The following POSTN variants were observed in gnomAD, a reference collection of about 807,000 sequenced individuals.
POSTN encodes the protein osteoblast specific factor 2 (fasciclin I-like).
A neutral mutation model predicts 104.5 loss-of-function variants in POSTN; 71 were observed. That is an observed-to-expected ratio of 0.68 (90% CI 0.56 to 0.83). The LOEUF (loss-of-function observed/expected upper bound fraction) is 0.83, where lower values mean the gene tolerates loss of function less well. Among genes scored for constraint, POSTN ranks in the 40% least tolerant of loss-of-function variants. The pLI is 0.00. For synonymous variants in POSTN, 355 were observed against 340.7 expected (o/e 1.04, Z -0.46); for missense variants, 949 against 1,006.8 (o/e 0.94, Z 0.78).
Position 37,569,786 on chromosome 13 carries a change from C to T in POSTN, c.2305G>A (p.Gly769Ser), listed in dbSNP as rs547900157. The T allele has an allele frequency of 1.2e-6, 2 of 1,605,354 alleles. No homozygotes were observed. The highest frequency in any genetic ancestry group is 1.7e-6 in the Non-Finnish European group (2 of 1,173,088). Reference protein sequence around the residue: ...EIKYTRISTGGGETEETLKKL... With the variant: ...EIKYTRISTGSGETEETLKKL... ...TTCAGAGTTTCTTCTGTTTCTCCAC[C>T]TCCAGTAGAAATCCTAGTGTATTTT... Residue 769 changes from glycine (G) to serine (S), a missense_variant, in exon 20 of 23, where the codon GGT becomes AGT. Transcript: ENST00000379747.
At chr13:37,587,021 A>G (rs895413365) in intron 5 of POSTN, 93 bp from the exon 6 acceptor site, 23 of 1,077,928 alleles carry the variant, frequency 2.1e-5, no homozygotes, top group Non-Finnish European at 3.0e-5. Context: ...CATTTATACT[A>G]GTAAATGTAA....
chr13:37,570,035 A>G (rs896547800), intron 19 of POSTN, among the ~76,000 whole-genome samples: 13 of 152,094 alleles, frequency 8.5e-5, no homozygotes, highest in Non-Finnish European at 1.6e-4. Flanking sequence ...AATGGGTGGC[A>G]CAAGCCACAC....
At chr13:37,593,466 T>A (rs911020403) in intron 2 of POSTN, among the ~76,000 whole-genome samples, 2 of 151,426 alleles carry the variant, frequency 1.3e-5, no homozygotes, top group African/African-American at 4.8e-5. Flanking sequence ...TACCAAACAA[T>A]TAGAAATAGG....
At chr13:37,565,304 G>A (rs553476352) in intron 21 of POSTN, 31 of 151,900 alleles carry the variant, frequency 2.0e-4, no homozygotes, top group African/African-American at 7.2e-4. Flanking sequence ...AAGACTACCT[G>A]GTCGGCCTAA....
chr13:37,566,878 TA>T (rs1220800096), intron 21 of POSTN, among the ~76,000 whole-genome samples: 1 of 152,134 alleles, frequency 6.6e-6, no homozygotes, highest in Non-Finnish European at 1.5e-5. Flanking sequence ...AAGTACCAGT[TA>T]GCCATGTTAA....
intron 21 of POSTN, 166 bp downstream of exon 21, chr13:37,569,134 A>G (rs1950191170): frequency 2.0e-6 from 1 of 494,818 alleles, no homozygotes; most frequent in African/African-American, 2.0e-5. Context: ...ATTTCTTCAT[A>G]ACTATTAACT....
At chr13:37,597,905 T>A (rs1345157312) in intron 1 of POSTN, among the ~76,000 whole-genome samples, 1 of 152,172 alleles carries the variant, frequency 6.6e-6, no homozygotes, top group Non-Finnish European at 1.5e-5. Context: ...GGGACAGAAG[T>A]CTTTTTTCAC....
intron 1 of POSTN, among the ~76,000 whole-genome samples, chr13:37,598,224 T>C (rs1019485590): frequency 1.3e-5 from 2 of 152,168 alleles, no homozygotes; most frequent in Non-Finnish European, 2.9e-5. Context: ...GATATTTCAA[T>C]GCTGTTTGCA....
At position 37,591,068 on chromosome 13, in the gene POSTN, T is replaced by G. The variant is rs576639692; in HGVS notation, c.284-539A>C. 1.3e-3 allele frequency among the ~76,000 whole-genome samples: 201 copies of G among 152,266 alleles called. 2 individuals carry two copies. Among genetic ancestry groups the G allele is most frequent in the Non-Finnish European group, 2.4e-3 (164 of 68,008 alleles). On this transcript the variant is annotated intron_variant, in intron 3 of 22. Transcript: ENST00000379747. ...TTTTCTGACCCTATTTATTTGAAAA[T>G]TAGTATAATTTGATTAATAGCATAG...
chr13:37,594,230 A>G (rs1951020232), intron 2 of POSTN, among the ~76,000 whole-genome samples: 1 of 152,150 alleles, frequency 6.6e-6, no homozygotes, highest in African/African-American at 2.4e-5. Context: ...AAATGTGCTT[A>G]GTCCATAGAT....
intron 15 of POSTN, among the ~76,000 whole-genome samples, chr13:37,578,236 G>A (rs1950472007): frequency 1.3e-5 from 2 of 151,850 alleles, no homozygotes; most frequent in Admixed American, 1.3e-4. Flanking sequence ...TTTCTAAATT[G>A]GACTGTAAAC....
intron 16 of POSTN, among the ~76,000 whole-genome samples, chr13:37,576,623 T>C (rs1383797619): frequency 1.3e-5 from 2 of 152,178 alleles, no homozygotes; most frequent in Non-Finnish European, 2.9e-5. Flanking sequence ...CATATGTATA[T>C]ATTTATACCT....
Position 37,590,222 on chromosome 13 carries a change from C to T in POSTN, c.441+150G>A, listed in dbSNP as rs1036074208. On this transcript the variant is annotated intron_variant, in intron 4 of 22. Coordinates refer to ENST00000379747, the MANE Select transcript of POSTN (RefSeq NM_006475.3). ...TTTACGGATGTATTAAGATATTTTACTTCCCTTAATAACTCATCCCTTTAG... is the reference window on the plus strand; with the variant it reads ...TTTACGGATGTATTAAGATATTTTATTTCCCTTAATAACTCATCCCTTTAG... 4.8e-5 allele frequency: 25 copies of T among 523,990 alleles called. No individual in the cohort carries two copies. In the Admixed American group the frequency reaches 7.5e-4, roughly 16 times the overall value. 32.5% of individuals were successfully genotyped at this position (523,990 alleles called of 1,614,324 possible).
intron 22 of POSTN, among the ~76,000 whole-genome samples, chr13:37,564,215 T>C (rs1252603529): frequency 6.7e-5 from 9 of 133,430 alleles, no homozygotes; most frequent in African/African-American, 1.5e-4. Context: ...TATATATATA[T>C]ATATATATAT....
chr13:37,583,947 A>C, intron 9 of POSTN, 22 bp downstream of exon 9: 1 of 1,602,156 alleles, frequency 6.2e-7, no homozygotes, highest in Non-Finnish European at 8.5e-7. Context: ...AGAGAGCAGG[A>C]ACAACAGTGT....
At chr13:37,571,138 G>C in intron 18 of POSTN, 1 of 412,060 alleles carries the variant, frequency 2.4e-6, no homozygotes, top group Non-Finnish European at 4.3e-6. Flanking sequence ...ATGACATTTT[G>C]TTGGGCCCAG....
chr13:37,583,770 A>G (rs1000293330), intron 9 of POSTN, among the ~76,000 whole-genome samples, 199 bp downstream of exon 9: 3 of 152,130 alleles, frequency 2.0e-5, no homozygotes, highest in Non-Finnish European at 4.4e-5. Flanking sequence ...TCTGTAGGCT[A>G]TTATCCATTA....
At position 37,586,271 on chromosome 13, in the gene POSTN, T is replaced by C. The variant is rs754116629; in HGVS notation, c.763A>G (p.Ile255Val). 2.5e-6 allele frequency: 4 copies of C among 1,609,134 alleles called. No homozygotes were observed. The highest frequency in any genetic ancestry group is 3.4e-6 in the Non-Finnish European group (4 of 1,178,172). Residue 255 changes from isoleucine to valine, a missense_variant, in exon 7 of 23, where the codon ATC becomes GTC. Ile to Val is a conservative substitution (Grantham distance 29). Coordinates refer to ENST00000379747, the MANE Select transcript of POSTN (RefSeq NM_006475.3). ...DDLSSFRAAA[I>V]TSDILEALGR... ...AGGGCCTCCAATATGTCCGATGTGA[T>C]GGCAGCTGCCTGAAACACAAATGTG... is the stretch of plus-strand genomic sequence containing the variant.
At chr13:37,576,234 G>A (rs1219199168) in intron 16 of POSTN, among the ~76,000 whole-genome samples, 2 of 152,002 alleles carry the variant, frequency 1.3e-5, no homozygotes, top group Non-Finnish European at 2.9e-5. Context: ...AAAATTATAG[G>A]AATTTTAGAA....
Sources: gnomAD v4.1 joint callset for allele counts (sites outside exome capture counted in the v4.1 genomes callset) on GRCh38, gnomAD v4.1.1 for gene constraint, MANE v1.5 for transcripts, NCBI Gene and HGNC (gene_info 2026-07-23, HGNC 2026-07-21) for gene names.